Variants in PLXND1 observed in about 807,000 individuals in gnomAD.
PLXND1 encodes the protein plexin D1.
In PLXND1, 54 loss-of-function variants were observed where a neutral mutation model predicts 197.7. The ratio of observed to expected loss-of-function variants is 0.27; its 90% CI spans 0.22 to 0.34. The LOEUF (loss-of-function observed/expected upper bound fraction) is 0.34, where lower values mean the gene tolerates loss of function less well. PLXND1 is among the 10% of genes least tolerant of loss of function. The pLI is 1.00. For synonymous variants in PLXND1, 1,180 were observed against 1,161.2 expected (o/e 1.02, Z -0.33); for missense variants, 2,127 against 2,699.2 (o/e 0.79, Z 4.70).
At chr3:129,565,582 G>A in intron 24 of PLXND1, 44 bp from the exon 25 acceptor site, 1 of 1,540,984 alleles carries the variant, frequency 6.5e-7, no homozygotes, top group Non-Finnish European at 8.9e-7. Flanking sequence ...GAGGCCCTAG[G>A]AGCTGTGGGT....
In PLXND1 at chr3:129,573,471, C is replaced by A. The variant is rs538772891; in HGVS notation, c.2837+123G>T. The A allele has an allele frequency of 4.8e-6, 5 of 1,038,066 alleles. No homozygotes were observed. The South Asian group carries it at 7.7e-5, about 16-fold the overall frequency. The allele number at this position is 1,038,066 out of a possible 1,614,324, so 64.3% of individuals were successfully genotyped here. On this transcript the variant is annotated intron_variant, in intron 13 of 35. Transcript: ENST00000324093. The stretch of plus-strand genomic sequence containing the variant: ...GGCTTCGGCACAGGCCTGGAGGCCA[C>A]GAAGCAACAGTCTTCCAGAAAGCAG...
chr3:129,597,010 C>G (rs551703665), intron 1 of PLXND1, among the ~76,000 whole-genome samples: 2 of 152,250 alleles, frequency 1.3e-5, no homozygotes, highest in Non-Finnish European at 2.9e-5. Flanking sequence ...AGTAACAGTT[C>G]GGTAGAGTGA....
intron 8 of PLXND1, among the ~76,000 whole-genome samples, chr3:129,581,225 A>G (rs1250817884): frequency 3.3e-5 from 5 of 152,304 alleles, no homozygotes; most frequent in African/African-American, 4.8e-5. Flanking sequence ...CTGGCACTTC[A>G]TTAAATGCCA....
chr3:129,595,932 C>CACACACACAA, intron 1 of PLXND1, among the ~76,000 whole-genome samples: 1 of 151,650 alleles, frequency 6.6e-6, no homozygotes, highest in Non-Finnish European at 1.5e-5. Context: ...CACACACACA[C>CACACACACAA]ACACACACAC....
At chr3:129,561,395 C>T (rs1263460398) in intron 29 of PLXND1, among the ~76,000 whole-genome samples, 1 of 152,208 alleles carries the variant, frequency 6.6e-6, no homozygotes, top group Non-Finnish European at 1.5e-5. Context: ...GCCCAGACCT[C>T]CTGGAACTGC....
At chr3:129,584,256 G>A (rs1260062922) in intron 6 of PLXND1, 23 bp from the exon 7 acceptor site, 1 of 1,593,602 alleles carries the variant, frequency 6.3e-7, no homozygotes, top group Non-Finnish European at 8.6e-7. Context: ...GGGGAGCCAG[G>A]GGAGGACATG....
intron 21 of PLXND1, 41 bp downstream of exon 21, chr3:129,567,657 G>C: frequency 6.3e-7 from 1 of 1,576,288 alleles, no homozygotes; most frequent in Non-Finnish European, 8.7e-7. Context: ...CCCCTAGGAG[G>C]GAAAGTTGAG....
intron 12 of PLXND1, among the ~76,000 whole-genome samples, 186 bp downstream of exon 12, chr3:129,574,150 T>C (rs964120863): frequency 1.3e-5 from 2 of 152,240 alleles, no homozygotes; most frequent in Non-Finnish European, 2.9e-5. Flanking sequence ...TATTTATTAC[T>C]GTCCACCTCC....
intron 8 of PLXND1, among the ~76,000 whole-genome samples, chr3:129,583,275 T>C (rs1173633005): frequency 2.6e-5 from 4 of 152,202 alleles, no homozygotes; most frequent in African/African-American, 4.8e-5. Context: ...GGTGTAGAAC[T>C]ATGGCCACAC....
intron 5 of PLXND1, among the ~76,000 whole-genome samples, chr3:129,585,609 T>C (rs1240075366): frequency 1.3e-5 from 2 of 152,184 alleles, no homozygotes; most frequent in Non-Finnish European, 2.9e-5. Flanking sequence ...AGAACCCGCC[T>C]CTTGAGTTTA....
At chr3:129,591,740 C>T (rs1287847060) in intron 1 of PLXND1, 1 of 152,216 alleles carries the variant, frequency 6.6e-6, no homozygotes, top group Non-Finnish European at 1.5e-5. Context: ...TACCTTAAAG[C>T]TTTTGAGCAG....
In PLXND1 at chr3:129,566,002, G is replaced by A. The variant is rs774005275; in HGVS notation, c.4207C>T (p.Arg1403Trp). Residue 1403 changes from arginine to tryptophan, a missense_variant, in exon 24 of 36, where the codon CGG becomes TGG. Transcript: ENST00000324093. ...LGEWKIPESC[R>W]PNMEEGISLF... ...CTAATTCCCTCTTCCATGTTGGGCC[G>A]GCAGCTCTCAGGAATCTGTGGAAGC... The A allele has an allele frequency of 3.1e-5, 50 of 1,613,956 alleles. No individual in the cohort carries two copies. In the East Asian group the frequency reaches 5.3e-4, roughly 17 times the overall value.
chr3:129,602,667 G>A (rs926344119), intron 1 of PLXND1, among the ~76,000 whole-genome samples: 2 of 152,146 alleles, frequency 1.3e-5, no homozygotes, highest in African/African-American at 2.4e-5. Flanking sequence ...GGAGATGGTG[G>A]GGTGTTTACA....
intron 1 of PLXND1, among the ~76,000 whole-genome samples, chr3:129,594,479 C>T (rs1322590756): frequency 2.0e-5 from 3 of 151,832 alleles, no homozygotes; most frequent in Non-Finnish European, 2.9e-5. Flanking sequence ...GACCCTGTCT[C>T]GAAAAAATAA....
At position 129,606,327 on chromosome 3, in the gene PLXND1, G is replaced by T; in HGVS notation, c.313C>A (p.His105Asn). Residue 105 changes from histidine to asparagine, a missense_variant, in exon 1 of 36, where the codon CAC becomes AAC. By Grantham distance (68) the His-to-Asn change is moderately conservative. This residue lies in a region of PLXND1 where 245 missense variants were observed against 267.1 expected (regional missense o/e 0.92). Coordinates refer to ENST00000324093, the MANE Select transcript of PLXND1 (RefSeq NM_015103.3). Reference protein sequence around the residue: ...VGPVPDSPLCHAPQLPQASCE... With the variant: ...VGPVPDSPLCNAPQLPQASCE... ...GAGGCCTGCGGCAGCTGCGGAGCGT[G>T]ACACAGCGGGCTGTCGGGCACCGGG... 1 of 1,496,910 alleles carries T rather than the reference G, an allele frequency of 6.7e-7. No homozygotes were observed. Among genetic ancestry groups the T allele is most frequent in the Non-Finnish European group, 8.9e-7 (1 of 1,129,384 alleles). 92.7% of individuals were successfully genotyped at this position (1,496,910 alleles called of 1,614,324 possible). A position where few individuals can be genotyped will look rare whatever the true frequency, so the allele number is the denominator to read the frequency against.
In PLXND1 at chr3:129,566,544, G is replaced by A. The variant is rs2085143799; in HGVS notation, c.4174C>T (p.Leu1392=). 1 of 1,609,698 alleles carries A rather than the reference G, an allele frequency of 6.2e-7. No individual in the cohort carries two copies. The highest frequency in any genetic ancestry group is 1.7e-4 in the Middle Eastern group (1 of 6,054). The part of the protein sequence containing the change: ...GSSQAQETHP[L]LGEWKIPESC... Reference sequence around the variant, plus strand: ...GTACTCACCTTCCACTCTCCCAGCAGTGGGTGGGTTTCCTGTGCCTGGGAG... The same window carrying A: ...GTACTCACCTTCCACTCTCCCAGCAATGGGTGGGTTTCCTGTGCCTGGGAG... Residue 1392 remains leucine (L), a synonymous_variant, in exon 23 of 36, where the codon CTG becomes TTG. Coordinates refer to ENST00000324093, the MANE Select transcript of PLXND1 (RefSeq NM_015103.3).
chr3:129,561,585 T>A (rs2085061127), intron 29 of PLXND1, 61 bp downstream of exon 29: 1 of 1,270,722 alleles, frequency 7.9e-7, no homozygotes, highest in Middle Eastern at 2.4e-4. Context: ...CACTGGGGCA[T>A]GGGATGGAAG....
chr3:129,568,536 T>G (rs1042563492), intron 20 of PLXND1, among the ~76,000 whole-genome samples: 17 of 152,164 alleles, frequency 1.1e-4, no homozygotes, highest in Non-Finnish European at 2.9e-5. Flanking sequence ...AAGTGTATAC[T>G]TCAATGGTTT....
At chr3:129,582,480 G>A (rs2085399949) in intron 8 of PLXND1, among the ~76,000 whole-genome samples, 1 of 152,230 alleles carries the variant, frequency 6.6e-6, no homozygotes, top group Admixed American at 6.5e-5. Context: ...CCTTTGCCTG[G>A]AGAGATGAGC....
Sources: allele counts gnomAD v4.1 joint callset (sites outside exome capture counted in the v4.1 genomes callset), GRCh38; gene constraint gnomAD v4.1.1; regional missense constraint gnomAD v4.1.1; transcripts MANE v1.5; gene names NCBI Gene and HGNC (gene_info 2026-07-23, HGNC 2026-07-21).